Variants in TMEM273 observed in about 807,000 individuals in gnomAD.
TMEM273 encodes transmembrane protein 273, also known as chromosome 10 open reading frame 128.
TMEM273 carries 19 observed loss-of-function variants against 17.9 expected under a neutral mutation model. The ratio of observed to expected loss-of-function variants is 1.06; its 90% CI spans 0.74 to 1.55. The LOEUF is 1.55. Among genes scored for constraint, TMEM273 ranks in the 40% most tolerant of loss-of-function variants. The pLI is 0.00. For missense variants in TMEM273, 194 were observed against 155.6 expected, an observed-to-expected ratio of 1.25 and a Z score of -1.31; for synonymous variants, 66 against 62.0, an observed-to-expected ratio of 1.07 and a Z score of -0.31.
intron 6 of TMEM273, among the ~76,000 whole-genome samples, chr10:49,158,261 A>T (rs1398188082): frequency 1.3e-5 from 2 of 152,194 alleles, no homozygotes; most frequent in Non-Finnish European, 2.9e-5. Flanking sequence ...CTTAATATGT[A>T]AATATAATGC....
Position 49,154,773 on chromosome 10 carries a change from A to C in TMEM273, c.*1119T>G, listed in dbSNP as rs1052836088. The C allele has an allele frequency of 6.6e-6, 1 of 152,228 alleles. No individual in the cohort carries two copies. The highest frequency in any genetic ancestry group is 2.4e-5 in the African/African-American group (1 of 41,450). The allele number at this position is 152,228 out of a possible 1,614,324, so 9.4% of individuals were successfully genotyped here. ...TGGTTTATTTTATCCTACACACAGA[A>C]AATTGCTTATGAGTATCACATTACC... On this transcript the variant is annotated 3_prime_UTR_variant, in exon 7 of 7. Coordinates refer to ENST00000374153, the MANE Select transcript of TMEM273 (RefSeq NM_001288740.3).
At chr10:49,162,877 T>A (rs1832483550) in intron 5 of TMEM273, among the ~76,000 whole-genome samples, 1 of 152,192 alleles carries the variant, frequency 6.6e-6, no homozygotes, top group Non-Finnish European at 1.5e-5. Flanking sequence ...CCAGACTCCA[T>A]CCATGGCCTC....
intron 1 of TMEM273, among the ~76,000 whole-genome samples, chr10:49,185,846 C>A (rs1847631595): frequency 6.6e-6 from 1 of 151,682 alleles, no homozygotes; most frequent in Admixed American, 6.6e-5. Flanking sequence ...GGTGCGGGGG[C>A]ATGTGCCTGT....
chr10:49,183,712 G>T (rs140373938), intron 1 of TMEM273, among the ~76,000 whole-genome samples: 3 of 152,226 alleles, frequency 2.0e-5, no homozygotes, highest in East Asian at 3.9e-4. Context: ...GGAAAAATGG[G>T]CATGACTACA....
intron 6 of TMEM273, among the ~76,000 whole-genome samples, chr10:49,159,501 T>A (rs530844729): frequency 6.6e-6 from 1 of 152,194 alleles, no homozygotes; most frequent in Non-Finnish European, 1.5e-5. Context: ...GTTTTTACTT[T>A]GGAGAAGGCA....
At chr10:49,180,405 C>G (rs1369790578) in intron 1 of TMEM273, among the ~76,000 whole-genome samples, 2 of 152,192 alleles carry the variant, frequency 1.3e-5, no homozygotes, top group Non-Finnish European at 2.9e-5. Flanking sequence ...AGCCTGCACC[C>G]CACCCCACAG....
intron 1 of TMEM273, among the ~76,000 whole-genome samples, chr10:49,180,466 T>A (rs1030028839): frequency 6.6e-6 from 1 of 152,192 alleles, no homozygotes; most frequent in African/African-American, 2.4e-5. Context: ...AGAGAGGATG[T>A]CAGGCTCCAC....
intron 1 of TMEM273, among the ~76,000 whole-genome samples, chr10:49,185,226 A>G (rs1429082424): frequency 6.6e-6 from 1 of 152,196 alleles, no homozygotes; most frequent in East Asian, 1.9e-4. Context: ...TGTCTGTTCC[A>G]TTAATCTCAG....
chr10:49,165,904 C>T, intron 3 of TMEM273, 108 bp from the exon 4 acceptor site: 2 of 1,415,398 alleles, frequency 1.4e-6, no homozygotes, highest in Admixed American at 3.6e-5. Context: ...TCACGGTTGC[C>T]CTCGAGAGAC....
chr10:49,186,082 A>AAGAAGAAGC (rs1847680967), intron 1 of TMEM273, among the ~76,000 whole-genome samples: 1 of 144,236 alleles, frequency 6.9e-6, no homozygotes, highest in South Asian at 2.2e-4. Context: ...GAAGAAGAAG[A>AAGAAGAAGC]AGAAGAAGAA....
intron 1 of TMEM273, among the ~76,000 whole-genome samples, chr10:49,186,024 G>A (rs1847648086): frequency 6.8e-6 from 1 of 146,322 alleles, no homozygotes; most frequent in African/African-American, 2.5e-5. Flanking sequence ...GGAGGAAGAA[G>A]AAGAAGAAGA....
At position 49,166,725 on chromosome 10, in the gene TMEM273, A is replaced by C. The variant is rs145235671; in HGVS notation, c.238+144T>G. The C allele has an allele frequency of 4.0e-5, 49 of 1,219,764 alleles. No individual in the cohort carries two copies. In the East Asian group the frequency reaches 1.1e-3, roughly 27 times the overall value. 75.6% of individuals were successfully genotyped at this position (1,219,764 alleles called of 1,614,324 possible). On this transcript the variant is annotated intron_variant, in intron 3 of 6. Coordinates refer to ENST00000374153, the MANE Select transcript of TMEM273 (RefSeq NM_001288740.3). ...GGCAAAGGGTTAGTGAGAGAGACAG[A>C]AACATGCAGAGGTCACTGCCTTCCT...
chr10:49,181,264 A>G (rs1847325102), intron 1 of TMEM273, among the ~76,000 whole-genome samples: 1 of 152,258 alleles, frequency 6.6e-6, no homozygotes, highest in Non-Finnish European at 1.5e-5. Flanking sequence ...AAAACACAAC[A>G]TGATAAAGAT....
chr10:49,168,748 A>T (rs1053924510), intron 1 of TMEM273, among the ~76,000 whole-genome samples: 13 of 151,712 alleles, frequency 8.6e-5, no homozygotes, highest in Non-Finnish European at 1.5e-4. Flanking sequence ...GAAAGAAGGA[A>T]AGAGAGCATG....
chr10:49,174,980 G>A (rs909893709), intron 1 of TMEM273, among the ~76,000 whole-genome samples: 1 of 152,042 alleles, frequency 6.6e-6, no homozygotes, highest in African/African-American at 2.4e-5. Context: ...CCCAGCCTGG[G>A]AGTGTCACAG....
At chr10:49,155,933 G>C in intron 6 of TMEM273, 24 bp from the exon 7 acceptor site, 1 of 1,614,100 alleles carries the variant, frequency 6.2e-7, no homozygotes, top group South Asian at 1.1e-5. Context: ...GAACCATCTG[G>C]AAGACTTATT....
chr10:49,187,928 A>C (rs1564654586), intron 1 of TMEM273, among the ~76,000 whole-genome samples: 3 of 152,186 alleles, frequency 2.0e-5, no homozygotes, highest in Admixed American at 6.5e-5. Context: ...ACTCTCTTGA[A>C]ATCCCAAAAA....
At chr10:49,176,993 T>A (rs7912402) in intron 1 of TMEM273, among the ~76,000 whole-genome samples, 2 of 152,066 alleles carry the variant, frequency 1.3e-5, no homozygotes, top group African/African-American at 4.8e-5. Context: ...CTGCAGTCCA[T>A]TCTTCAGGGG....
At chr10:49,169,523 C>CA (rs1846415196) in intron 1 of TMEM273, among the ~76,000 whole-genome samples, 1 of 152,208 alleles carries the variant, frequency 6.6e-6, no homozygotes, top group Non-Finnish European at 1.5e-5. Flanking sequence ...TTTTCTAAAG[C>CA]AAAAGTTCTC....
Sources: gnomAD v4.1 joint callset for allele counts (sites outside exome capture counted in the v4.1 genomes callset) on GRCh38, gnomAD v4.1.1 for gene constraint, MANE v1.5 for transcripts, NCBI Gene and HGNC (gene_info 2026-07-23, HGNC 2026-07-21) for gene names.